Variants in CNBD1 observed in about 807,000 individuals in gnomAD.
CNBD1 encodes cyclic nucleotide-binding domain-containing protein 1.
In CNBD1, 71 loss-of-function variants were observed where a neutral mutation model predicts 54.4. The observed-to-expected ratio is 1.30, with a 90% CI of 1.08 to 1.59. The LOEUF is 1.59. CNBD1 is among the 40% of genes most tolerant of loss of function. The pLI is 0.00. For missense variants in CNBD1, 659 were observed against 518.0 expected (o/e 1.27, Z -2.64); for synonymous variants, 182 against 170.7 (o/e 1.07, Z -0.51).
chr8:86,936,276 A>C lies in CNBD1; in HGVS notation c.273-3320A>C, dbSNP rs377373333. Among the ~76,000 whole-genome samples, 16 of 152,238 alleles carry C rather than the reference A, an allele frequency of 1.1e-4. No individual in the cohort carries two copies. The East Asian group carries it at 2.5e-3, about 24-fold the overall frequency. ...TAGCTTATTACTAAAGAAAAAGGGA[A>C]AAAATTTTTCTATGCAACCACAGTG... On this transcript the variant is annotated intron_variant, in intron 3 of 10. Coordinates refer to ENST00000518476, the MANE Select transcript of CNBD1 (RefSeq NM_173538.3).
At chr8:87,260,585 G>T (rs1355081933) in intron 6 of CNBD1, among the ~76,000 whole-genome samples, 3 of 152,076 alleles carry the variant, frequency 2.0e-5, no homozygotes, top group African/African-American at 7.2e-5. Context: ...TTTTGCACAG[G>T]GAGAGAAAAG....
At chr8:87,273,865 G>GC (rs1484410316) in intron 6 of CNBD1, among the ~76,000 whole-genome samples, 1 of 151,602 alleles carries the variant, frequency 6.6e-6, no homozygotes, top group African/African-American at 2.4e-5. Flanking sequence ...CTGGTGTGCT[G>GC]CACCCACTAA....
chr8:87,370,334 A>C (rs914062096), intron 10 of CNBD1, among the ~76,000 whole-genome samples: 2 of 152,196 alleles, frequency 1.3e-5, no homozygotes, highest in African/African-American at 4.8e-5. Context: ...ATTAGTTTAC[A>C]GTCCCATCAA....
intron 4 of CNBD1, among the ~76,000 whole-genome samples, chr8:87,027,225 C>A (rs918343357): frequency 6.6e-6 from 1 of 151,804 alleles, no homozygotes; most frequent in African/African-American, 2.4e-5. Context: ...AGACTGTGAA[C>A]CAACATTTTG....
Position 86,999,272 on chromosome 8 carries a change from C to T in CNBD1, c.431+59518C>T, listed in dbSNP as rs565488613. Among the ~76,000 whole-genome samples, 4 of 152,330 alleles carry T rather than the reference C, an allele frequency of 2.6e-5. No individual in the cohort carries two copies. The East Asian group carries it at 7.7e-4, about 29-fold the overall frequency. The stretch of plus-strand genomic sequence containing the variant: ...GATTAAGAGAAAAGGCAGCCTTGGG[C>T]TGGTAGGATCTAGTGACCTGGACTT... On this transcript the variant is annotated intron_variant, in intron 4 of 10. Transcript: ENST00000518476.
chr8:87,228,752 G>T (rs181731265), intron 5 of CNBD1, among the ~76,000 whole-genome samples: 2,481 of 152,114 alleles, frequency 0.016, 28 homozygotes, highest in Non-Finnish European at 0.024. Flanking sequence ...GCCTCCTTGA[G>T]CTGTGGTGGG....
rs115311013 is a variant in CNBD1 at position 87,029,572 on chromosome 8, A to T, written c.431+89818A>T. Among the ~76,000 whole-genome samples the T allele has an allele frequency of 9.9e-3, 1,502 of 152,248 alleles. 29 individuals carry two copies. Among genetic ancestry groups the T allele is most frequent in the African/African-American group, 0.034 (1,426 of 41,546 alleles). ...AAAATTGATAAATTGCAAGATAATA[A>T]ATTATGTATATAATTTAGAAATCTG... On this transcript the variant is annotated intron_variant, in intron 4 of 10. Transcript: ENST00000518476.
At chr8:87,254,403 G>T (rs541579598) in intron 6 of CNBD1, among the ~76,000 whole-genome samples, 24 of 152,288 alleles carry the variant, frequency 1.6e-4, no homozygotes, top group South Asian at 6.2e-4. Flanking sequence ...TCAATAATTT[G>T]TGATATAATT....
chr8:86,968,010 C>G (rs1427252513), intron 4 of CNBD1, among the ~76,000 whole-genome samples: 1 of 151,938 alleles, frequency 6.6e-6, no homozygotes, highest in African/African-American at 2.4e-5. Context: ...GCTTGTGGGC[C>G]TGGACTGGGA....
intron 3 of CNBD1, among the ~76,000 whole-genome samples, chr8:86,915,231 G>T (rs1399505440): frequency 6.8e-6 from 1 of 146,532 alleles, no homozygotes; most frequent in Non-Finnish European, 1.5e-5. Context: ...AGGAGCAGTT[G>T]GTGGGTCCTG....
chr8:87,341,230 G>T (rs1586029435), intron 8 of CNBD1, among the ~76,000 whole-genome samples: 1 of 152,068 alleles, frequency 6.6e-6, no homozygotes, highest in East Asian at 1.9e-4. Flanking sequence ...GTCCTCTGGA[G>T]AAGCAGAATG....
At chr8:87,083,581 A>ATTTCTT (rs1811038965) in intron 4 of CNBD1, among the ~76,000 whole-genome samples, 1 of 129,422 alleles carries the variant, frequency 7.7e-6, no homozygotes, top group African/African-American at 3.0e-5. Flanking sequence ...AAACCAATGT[A>ATTTCTT]TTTCTTTTTT....
intron 4 of CNBD1, among the ~76,000 whole-genome samples, chr8:87,089,412 G>A (rs561558903): frequency 1.3e-5 from 2 of 152,090 alleles, no homozygotes; most frequent in Non-Finnish European, 2.9e-5. Context: ...TTCCAAGCAA[G>A]AGATAATAAA....
intron 8 of CNBD1, among the ~76,000 whole-genome samples, chr8:87,317,974 A>G (rs915587265): frequency 7.9e-5 from 12 of 151,918 alleles, no homozygotes; most frequent in Non-Finnish European, 1.5e-4. Context: ...TTTCTTCTGC[A>G]GTGTCTAATC....
chr8:87,241,108 A>G (rs1004186011), intron 6 of CNBD1, among the ~76,000 whole-genome samples: 8 of 152,134 alleles, frequency 5.3e-5, no homozygotes, highest in African/African-American at 1.9e-4. Context: ...TGAAGCAGGT[A>G]TCTTTCAATC....
At chr8:87,304,472 A>T (rs1245113654) in intron 8 of CNBD1, among the ~76,000 whole-genome samples, 1 of 149,786 alleles carries the variant, frequency 6.7e-6, no homozygotes, top group African/African-American at 2.5e-5. Context: ...AACATCACAC[A>T]CCAGGGCCTG....
Position 86,887,569 on chromosome 8 carries a change from A to G in CNBD1, c.116A>G (p.Tyr39Cys). Residue 39 changes from tyrosine to cysteine, a missense_variant, in exon 2 of 11, where the codon TAT (tyrosine) becomes TGT (cysteine). By Grantham distance (194) the Tyr-to-Cys change is radical. Transcript: ENST00000518476. ...TTGAAAAAGTCTAAGCACATTAATT[A>G]TGGCCAGTTGAATGCATTATGCCAC... ...PNLKKSKHIN[Y>C]GQLNALCHIR... The G allele has an allele frequency of 6.3e-7, 1 of 1,578,174 alleles. No homozygotes were observed. Among genetic ancestry groups the G allele is most frequent in the Non-Finnish European group, 8.6e-7 (1 of 1,159,732 alleles).
chr8:87,289,955 G>A (rs62528090), intron 8 of CNBD1, among the ~76,000 whole-genome samples: 6,829 of 151,956 alleles, frequency 0.045, 200 homozygotes, highest in Non-Finnish European at 0.063. Flanking sequence ...TCCTTCACTG[G>A]TCTCTTTTGT....
intron 6 of CNBD1, among the ~76,000 whole-genome samples, chr8:87,247,563 C>G (rs1807830799): frequency 6.6e-6 from 1 of 152,146 alleles, no homozygotes; most frequent in Non-Finnish European, 1.5e-5. Context: ...GAATGTGTCA[C>G]ACAAGTAAGC....
Sources: gnomAD v4.1 joint callset for allele counts (sites outside exome capture counted in the v4.1 genomes callset) on GRCh38, gnomAD v4.1.1 for gene constraint, MANE v1.5 for transcripts, NCBI Gene and HGNC (gene_info 2026-07-23, HGNC 2026-07-21) for gene names.